TSG101: variants seen among roughly 807,000 people sequenced by gnomAD.
TSG101 encodes tumor susceptibility gene 101 protein.
TSG101 carries 19 observed loss-of-function variants against 48.5 expected under a neutral mutation model. The ratio of observed to expected loss-of-function variants is 0.39; its 90% confidence interval spans 0.27 to 0.58. The LOEUF (loss-of-function observed/expected upper bound fraction) is 0.58, where lower values mean the gene tolerates loss of function less well. Ranked by LOEUF, TSG101 falls within the 20% of genes least tolerant of loss-of-function variation. The probability of loss-of-function intolerance (pLI) is 0.55; values close to 1 mark genes in which losing one functional copy is unlikely to be tolerated. For synonymous variants in TSG101, 174 were observed against 169.4 expected (o/e 1.03, Z -0.21); for missense variants, 365 against 484.4 (o/e 0.75, Z 2.31).
chr11:18,505,008 T>C (rs1007730492), intron 6 of TSG101, among the ~76,000 whole-genome samples: 3 of 152,194 alleles, frequency 2.0e-5, no homozygotes, highest in Non-Finnish European at 4.4e-5. Context: ...GAATGCTTAT[T>C]ACCTTCTAAA....
chr11:18,524,352 T>C (rs1307830864), intron 1 of TSG101, among the ~76,000 whole-genome samples: 1 of 152,090 alleles, frequency 6.6e-6, no homozygotes, highest in Non-Finnish European at 1.5e-5. Flanking sequence ...ACATAAAACA[T>C]AAGGCAGGTG....
At chr11:18,514,593 C>G (rs1850138832) in intron 4 of TSG101, 85 bp downstream of exon 4, 1 of 1,162,254 alleles carries the variant, frequency 8.6e-7, no homozygotes, top group Non-Finnish European at 1.2e-6. Flanking sequence ...TACCTCGAAT[C>G]CTCCTTGAGT....
chr11:18,516,018 T>C, intron 3 of TSG101, 81 bp downstream of exon 3: 1 of 1,261,524 alleles, frequency 7.9e-7, no homozygotes, highest in Non-Finnish European at 1.1e-6. Flanking sequence ...AAAGTAGGTT[T>C]AATTTGGTTA....
chr11:18,511,627 C>T (rs180954360), intron 4 of TSG101, among the ~76,000 whole-genome samples: 13 of 152,232 alleles, frequency 8.5e-5, no homozygotes, highest in Admixed American at 7.8e-4. Context: ...AAGCCTCATG[C>T]ATGTAGGTGA....
intron 7 of TSG101, among the ~76,000 whole-genome samples, chr11:18,499,751 C>T (rs896647496): frequency 6.6e-6 from 1 of 151,818 alleles, no homozygotes; most frequent in South Asian, 2.1e-4. Flanking sequence ...TACATATTTA[C>T]GTGGGTACCA....
chr11:18,502,455 T>C (rs376794585), intron 7 of TSG101, 31 bp downstream of exon 7: 15 of 1,574,172 alleles, frequency 9.5e-6, no homozygotes, highest in Non-Finnish European at 1.2e-5. Context: ...TTTGCTTATA[T>C]GGTGAAACAC....
intron 6 of TSG101, among the ~76,000 whole-genome samples, chr11:18,504,053 T>C (rs1849930290): frequency 6.6e-6 from 1 of 151,768 alleles, no homozygotes; most frequent in South Asian, 2.1e-4. Flanking sequence ...ATAGAAAAAT[T>C]AGCTAGGTGT....
At chr11:18,484,762 T>A (rs1439512874) in intron 7 of TSG101, among the ~76,000 whole-genome samples, 1 of 152,208 alleles carries the variant, frequency 6.6e-6, no homozygotes, top group Non-Finnish European at 1.5e-5. Context: ...TCTGGATATT[T>A]TCTTCAAAAA....
chr11:18,490,805 A>C, intron 7 of TSG101: 1 of 538,882 alleles, frequency 1.9e-6, no homozygotes, highest in South Asian at 1.5e-5. Flanking sequence ...GGCACCAACC[A>C]TGTTCTTGTA....
intron 8 of TSG101, among the ~76,000 whole-genome samples, chr11:18,483,474 C>T (rs576380350): frequency 6.7e-5 from 9 of 134,770 alleles, no homozygotes; most frequent in African/African-American, 1.7e-4. Flanking sequence ...CCAGCCTGAG[C>T]GCAAGAGTGA....
chr11:18,506,776 C>A, intron 6 of TSG101, 81 bp downstream of exon 6: 1 of 1,129,884 alleles, frequency 8.9e-7, no homozygotes, highest in Admixed American at 2.3e-5. Flanking sequence ...TATTTTAATG[C>A]CCTAATTAGC....
In TSG101 at chr11:18,484,159, A is replaced by G. The variant is rs1194846214; in HGVS notation, c.641-87T>C. On this transcript the variant is annotated intron_variant, in intron 7 of 9. Transcript: ENST00000251968. The stretch of plus-strand genomic sequence containing the variant: ...AGGAACCTTCAGAAAAGGGGGCAAT[A>G]TGAACCGACACTTTCAAAATGTGAG... 4 of 1,301,730 alleles carry G rather than the reference A, an allele frequency of 3.1e-6. No homozygotes were observed. The African/African-American group carries it at 5.9e-5, about 19-fold the overall frequency. 80.6% of individuals were successfully genotyped at this position (1,301,730 alleles called of 1,614,324 possible). A position where few individuals can be genotyped will look rare whatever the true frequency, so the allele number is the denominator to read the frequency against.
Position 18,509,577 on chromosome 11 carries a change from G to T in TSG101, c.446C>A (p.Ser149Tyr). 4 of 1,613,836 alleles carry T rather than the reference G, an allele frequency of 2.5e-6. No homozygotes were observed. The highest frequency in any genetic ancestry group is 3.4e-6 in the Non-Finnish European group (4 of 1,179,808). ...PPVFSRPISA[S>Y]YPPYQATGPP... ...CCCCGTTGCCTGGTATGGCGGATAG[G>T]ATGCCGAAATAGGACGAGAGAAGAC... Residue 149 changes from serine (S) to tyrosine (Y), a missense_variant, in exon 5 of 10, where the codon TCC (serine) becomes TAC (tyrosine). Physicochemically the swap from Ser to Tyr is moderately radical, Grantham distance 144. Coordinates refer to ENST00000251968, the MANE Select transcript of TSG101 (RefSeq NM_006292.4).
At chr11:18,494,446 T>C (rs554449954) in intron 7 of TSG101, among the ~76,000 whole-genome samples, 1 of 152,356 alleles carries the variant, frequency 6.6e-6, no homozygotes. Flanking sequence ...CTACCTTTCC[T>C]TTACTAACAA....
chr11:18,509,684 T>A lies in TSG101; in HGVS notation c.358-19A>T. On this transcript the variant is annotated intron_variant, in intron 4 of 9. Coordinates refer to ENST00000251968, the MANE Select transcript of TSG101 (RefSeq NM_006292.4). ...ACTGTGGCTACAAAATGAAAAAAAA[T>A]TCAAGTCAGCTACAGAGTTGCTTTT... The A allele has an allele frequency of 1.3e-6, 2 of 1,573,970 alleles. No individual in the cohort carries two copies. The highest frequency in any genetic ancestry group is 1.7e-6 in the Non-Finnish European group (2 of 1,157,224).
chr11:18,482,180 G>C (rs1224877157), intron 8 of TSG101, among the ~76,000 whole-genome samples: 5 of 152,180 alleles, frequency 3.3e-5, no homozygotes, highest in Non-Finnish European at 5.9e-5. Flanking sequence ...CCAGCAGAAG[G>C]TTCCTTTACA....
chr11:18,489,426 C>T (rs371965876), intron 7 of TSG101, among the ~76,000 whole-genome samples: 1 of 152,234 alleles, frequency 6.6e-6, no homozygotes, highest in South Asian at 2.1e-4. Flanking sequence ...AAGGTATTAT[C>T]CAGGAAACAG....
In TSG101 at chr11:18,502,517, C is replaced by T; in HGVS notation, c.609G>A (p.Gln203=). The change falls in exon 7 of 10, where the codon CAG becomes CAA. Residue 203 remains glutamine (Q), a synonymous_variant. Transcript: ENST00000251968. The part of the protein sequence containing the change: ...GGPYPATTSS[Q]YPSQPPVTTV... ...TGGTCACAGGAGGCTGAGAAGGGTA[C>T]TGAGAACTTGTTGTGGCAGGATATG... 1 of 1,613,364 alleles carries T rather than the reference C, an allele frequency of 6.2e-7. No homozygotes were observed.
intron 7 of TSG101, among the ~76,000 whole-genome samples, chr11:18,500,231 T>C (rs534863721): frequency 2.0e-5 from 3 of 152,366 alleles, no homozygotes; most frequent in South Asian, 2.1e-4. Context: ...CATCTGCTGA[T>C]AAATATTTAG....
Sources: allele counts gnomAD v4.1 joint callset (sites outside exome capture counted in the v4.1 genomes callset), GRCh38; gene constraint gnomAD v4.1.1; transcripts MANE v1.5; gene names NCBI Gene and HGNC (gene_info 2026-07-23, HGNC 2026-07-21).